The following ZIC5 variants were observed in gnomAD, a reference collection of about 807,000 sequenced individuals.
ZIC5 encodes the protein zinc finger protein ZIC 5.
Under a neutral mutation model 28.5 loss-of-function variants are expected in ZIC5, and 20 were observed. The observed-to-expected ratio is 0.70, with a 90% CI of 0.49 to 1.02. The LOEUF (loss-of-function observed/expected upper bound fraction) is 1.02. Among genes scored for constraint, ZIC5 ranks in the 50% least tolerant of loss-of-function variants. ZIC5 has a pLI of 0.00. For synonymous variants in ZIC5, 488 were observed against 410.4 expected (o/e 1.19, Z -2.29); for missense variants, 951 against 899.7 (o/e 1.06, Z -0.73).
chr13:99,969,295 C>T lies in ZIC5; in HGVS notation c.1477+832G>A, dbSNP rs1299874633. On this transcript the variant is annotated intron_variant, in intron 1 of 1. Transcript: ENST00000267294. ...TCACCGATGGTGGGAGGCTCGGGTC[C>T]TCCTACAACTAGAACCTTCTCTAGA... is the stretch of plus-strand genomic sequence containing the variant. Among the ~76,000 whole-genome samples the T allele has an allele frequency of 2.0e-5, 3 of 152,306 alleles. No individual in the cohort carries two copies. In the South Asian group the frequency reaches 6.2e-4, roughly 32 times the overall value.
At chr13:99,966,408 GAA>G (rs2053100433) in intron 1 of ZIC5, among the ~76,000 whole-genome samples, 1 of 152,178 alleles carries the variant, frequency 6.6e-6, no homozygotes, top group South Asian at 2.1e-4. Context: ...ATGGGAAAGG[GAA>G]AGAGGTAAAA....
Position 99,971,178 on chromosome 13 carries a change from AG to A in ZIC5, c.425del (p.Pro142LeufsTer165). 1 of 129,646 alleles carries A rather than the reference AG, an allele frequency of 7.7e-6. No homozygotes were observed. The highest frequency in any genetic ancestry group is 1.0e-5 in the Non-Finnish European group (1 of 96,488). 8.0% of individuals were successfully genotyped at this position (129,646 alleles called of 1,614,324 possible). A position where few individuals can be genotyped will look rare whatever the true frequency, so the allele number is the denominator to read the frequency against. The part of the protein sequence containing the change: ...PLPPTPSPPP[P>X]PPPPPPPALS... ...GGGCAGGAGGAGGAGGAGGCGGGGG[AG>A]GGGGAGGGGGTGAAGGGGTGGGAGG... is the stretch of plus-strand genomic sequence containing the variant. On this transcript the variant is annotated frameshift_variant, in exon 1 of 2. Transcript: ENST00000267294. LOFTEE classifies it high-confidence loss of function.
At position 99,970,772 on chromosome 13, in the gene ZIC5, G is replaced by T. The variant is rs2053148754; in HGVS notation, c.832C>A (p.Pro278Thr). 8.5e-7 allele frequency: 1 copy of T among 1,181,012 alleles called. No homozygotes were observed. Among genetic ancestry groups the T allele is most frequent in the Non-Finnish European group, 1.0e-6 (1 of 958,342 alleles). The allele number at this position is 1,181,012 out of a possible 1,614,324, so 73.2% of individuals were successfully genotyped here. A position where few individuals can be genotyped will look rare whatever the true frequency, so the allele number is the denominator to read the frequency against. ...TCCCCAGAGCGCGGCGCGAAGGGCG[G>T]TTCGGCGCGGCCGTACAGCTCAGCC... ...AAAELYGRAEPPFAPRSGDAH... is the reference protein window; with the variant it reads ...AAAELYGRAETPFAPRSGDAH... The change falls in exon 1 of 2, where the codon CCG (proline) becomes ACG (threonine). Residue 278 changes from proline to threonine, a missense_variant. Pro to Thr is a conservative substitution (Grantham distance 38). Transcript: ENST00000267294.
chr13:99,969,979 A>G (rs2053134768), intron 1 of ZIC5, 148 bp downstream of exon 1: 3 of 1,243,892 alleles, frequency 2.4e-6, no homozygotes. Flanking sequence ...AAGAAGTCAC[A>G]TGTCCGGGTT....
intron 1 of ZIC5, among the ~76,000 whole-genome samples, chr13:99,967,230 T>A (rs2053107051): frequency 6.6e-6 from 1 of 152,236 alleles, no homozygotes; most frequent in African/African-American, 2.4e-5. Flanking sequence ...CATGGCAGAG[T>A]ATGCTAGCAC....
intron 1 of ZIC5, among the ~76,000 whole-genome samples, chr13:99,968,245 G>A (rs2053115477): frequency 6.6e-6 from 1 of 152,202 alleles, no homozygotes; most frequent in South Asian, 2.1e-4. Context: ...CCCAGGGACC[G>A]CCAGAAACAC....
chr13:99,966,061 G>A lies in ZIC5; in HGVS notation c.1478-242C>T, dbSNP rs116098537. On this transcript the variant is annotated intron_variant, in intron 1 of 1. Coordinates refer to ENST00000267294, the MANE Select transcript of ZIC5 (RefSeq NM_033132.5). ...GGCTGTCAGGCCCTGCAGTCCCAGA[G>A]GGATCAGGGTGAGATCCCTAGTGCT... Among the ~76,000 whole-genome samples the A allele has an allele frequency of 4.4e-3, 667 of 152,252 alleles. 6 individuals are homozygous for A. The highest frequency in any genetic ancestry group is 0.015 in the African/African-American group (632 of 41,548).
Position 99,965,169 on chromosome 13 carries a change from A to AG in ZIC5, c.*207dup, listed in dbSNP as rs1281103897. 3 of 289,158 alleles carry AG rather than the reference A, an allele frequency of 1.0e-5. No individual in the cohort carries two copies. The highest frequency in any genetic ancestry group is 1.1e-5 in the Non-Finnish European group (2 of 182,638). The allele number at this position is 289,158 out of a possible 1,614,324, so 17.9% of individuals were successfully genotyped here. A position where few individuals can be genotyped will look rare whatever the true frequency, so the allele number is the denominator to read the frequency against. ...TTGGTTGTTTTTTGTTTGTTTTTTA[A>AG]GAAAAAAAAAAAAAAAAGCCCAAAT... On this transcript the variant is annotated 3_prime_UTR_variant, in exon 2 of 2. Transcript: ENST00000267294.
chr13:99,969,551 G>C (rs1028451297), intron 1 of ZIC5, among the ~76,000 whole-genome samples: 1 of 152,108 alleles, frequency 6.6e-6, no homozygotes, highest in African/African-American at 2.4e-5. Context: ...GGTTCCGAAA[G>C]CGCATTCCTG....
In ZIC5 at chr13:99,970,839, G is replaced by A. The variant is rs1008735357; in HGVS notation, c.765C>T (p.Gly255=). ...CCGCCGCCAGCCCCAGGCGCATCTG[G>A]CCGTTGAGCGGGTGCGGGTGGCCGC... ...APGGHPHPLN[G]QMRLGLAAAA... The change falls in exon 1 of 2, where the codon GGC becomes GGT. Residue 255 remains glycine, a synonymous_variant. Transcript: ENST00000267294. The A allele has an allele frequency of 1.7e-5, 21 of 1,244,386 alleles. No individual in the cohort carries two copies. The highest frequency in any genetic ancestry group is 2.0e-6 in the Non-Finnish European group (2 of 1,000,694). 77.1% of individuals were successfully genotyped at this position (1,244,386 alleles called of 1,614,324 possible).
Position 99,965,616 on chromosome 13 carries a change from G to C in ZIC5, c.1681C>G (p.Pro561Ala). The C allele has an allele frequency of 6.2e-7, 1 of 1,614,164 alleles. No individual in the cohort carries two copies. Among genetic ancestry groups the C allele is most frequent in the Non-Finnish European group, 8.5e-7 (1 of 1,180,030 alleles). Residue 561 changes from proline (P) to alanine (A), a missense_variant, in exon 2 of 2, where the codon CCC (proline) becomes GCC (alanine). Pro to Ala is a conservative substitution (Grantham distance 27, BLOSUM62 -1). Coordinates refer to ENST00000267294, the MANE Select transcript of ZIC5 (RefSeq NM_033132.5). ...GTCCCCACTGATGAGTAACCAAGGG[G>C]TCCTGGAGAAGGTGGCGGGGACTTG... Reference protein sequence around the residue: ...HCKSPPPSPGPLGYSSVGTPV... With the variant: ...HCKSPPPSPGALGYSSVGTPV...
chr13:99,970,177 T>C lies in ZIC5; in HGVS notation c.1427A>G (p.Lys476Arg). ...PFPCPFPGCG[K>R]VFARSENLKI... is the part of the protein sequence containing the mutation. ...GAGGTTCTCGGAGCGCGCGAAGACC[T>C]TGCCGCAGCCGGGGAAAGGGCAGGG... is the stretch of plus-strand genomic sequence containing the variant. The change falls in exon 1 of 2, where the codon AAG becomes AGG. Residue 476 changes from lysine to arginine, a missense_variant. By Grantham distance (26) the Lys-to-Arg change is conservative. Coordinates refer to ENST00000267294, the MANE Select transcript of ZIC5 (RefSeq NM_033132.5). 1 of 1,610,768 alleles carries C rather than the reference T, an allele frequency of 6.2e-7. No individual in the cohort carries two copies.
Position 99,970,112 on chromosome 13 carries a change from G to C in ZIC5, c.1477+15C>G. ...GGTGGCGGCGGCGGCGGCGCGGCCG[G>C]GGACAGACACCCACCTGTATGAGTA... On this transcript the variant is annotated intron_variant, in intron 1 of 1. Transcript: ENST00000267294. 6.2e-7 allele frequency: 1 copy of C among 1,606,538 alleles called. No homozygotes were observed. Among genetic ancestry groups the C allele is most frequent in the South Asian group, 1.1e-5 (1 of 90,768 alleles).
In ZIC5 at chr13:99,970,602, C is replaced by G; in HGVS notation, c.1002G>C (p.Pro334=). The G allele has an allele frequency of 3.0e-6, 3 of 1,001,040 alleles. No homozygotes were observed. Among genetic ancestry groups the G allele is most frequent in the Non-Finnish European group, 3.6e-6 (3 of 843,918 alleles). 62.0% of individuals were successfully genotyped at this position (1,001,040 alleles called of 1,614,324 possible). The part of the protein sequence containing the change: ...GPHLQHHAPP[P]APPPPPAPAQ... ...CGGGCGCCGGCGGCGGCGGCGGCGC[C>G]GGGGGCGGCGCGTGGTGCTGCAGGT... Residue 334 remains proline (P), a synonymous_variant, in exon 1 of 2, where the codon CCG becomes CCC. Transcript: ENST00000267294.
At chr13:99,967,419 A>C (rs1396011704) in intron 1 of ZIC5, among the ~76,000 whole-genome samples, 1 of 152,284 alleles carries the variant, frequency 6.6e-6, no homozygotes, top group East Asian at 1.9e-4. Flanking sequence ...TTTAACAAAA[A>C]CAAAGCTAAT....
Position 99,971,332 on chromosome 13 carries a change from G to C in ZIC5, c.272C>G (p.Pro91Arg), listed in dbSNP as rs1042230740. The C allele has an allele frequency of 2.9e-6, 4 of 1,395,938 alleles. No individual in the cohort carries two copies. Among genetic ancestry groups the C allele is most frequent in the Non-Finnish European group, 9.2e-7 (1 of 1,086,904 alleles). The allele number at this position is 1,395,938 out of a possible 1,614,324, so 86.5% of individuals were successfully genotyped here. A position where few individuals can be genotyped will look rare whatever the true frequency, so the allele number is the denominator to read the frequency against. Residue 91 changes from proline to arginine, a missense_variant, in exon 1 of 2, where the codon CCG becomes CGG. Pro to Arg is a moderately radical substitution (Grantham distance 103, BLOSUM62 -2). Transcript: ENST00000267294. ...ACGGGCGGCGGCTGCCGGAGCCTCC[G>C]GGTGTGCCGGGAACGCCTGGGAGGG... ...SPPSQAFPAH[P>R]EAPAAAARAA...
chr13:99,971,885 C>T, upstream of ZIC5: 1 of 637,136 alleles, frequency 1.6e-6, no homozygotes, highest in Non-Finnish European at 2.6e-6. Context: ...CCGTTCAGGC[C>T]CTCGACCCAG....
Position 99,963,280 on chromosome 13 carries a change from G to A in ZIC5, c.*2097C>T, listed in dbSNP as rs1213872862. ...AATAAAACAACTCATTATACATCAG[G>A]AATATTTTGTTCTAATAAGTTTACG... On this transcript the variant is annotated 3_prime_UTR_variant, in exon 2 of 2. Transcript: ENST00000267294. 1 of 152,420 alleles carries A rather than the reference G, an allele frequency of 6.6e-6. No homozygotes were observed. The highest frequency in any genetic ancestry group is 1.5e-5 in the Non-Finnish European group (1 of 67,986). 9.4% of individuals were successfully genotyped at this position (152,420 alleles called of 1,614,324 possible).
intron 1 of ZIC5, among the ~76,000 whole-genome samples, chr13:99,969,861 G>A (rs1021267856): frequency 6.6e-6 from 1 of 151,590 alleles, no homozygotes; most frequent in Non-Finnish European, 1.5e-5. Context: ...CCGGCCGAGG[G>A]GCTGCGGGCG....
Sources: gnomAD v4.1 joint callset for allele counts (sites outside exome capture counted in the v4.1 genomes callset) on GRCh38, gnomAD v4.1.1 for gene constraint, MANE v1.5 for transcripts, NCBI Gene and HGNC (gene_info 2026-07-23, HGNC 2026-07-21) for gene names.